The following SPATA17 variants were observed in gnomAD, a reference collection of about 807,000 sequenced individuals.
SPATA17 encodes spermatogenesis associated 17, also known as spermatogenesis-associated protein 17.
SPATA17 carries 53 observed loss-of-function variants against 62.2 expected under a neutral mutation model. The observed-to-expected ratio is 0.85, with a 90% CI of 0.68 to 1.07. SPATA17 has a LOEUF of 1.07. Ranked by LOEUF, SPATA17 falls within the 50% of genes least tolerant of loss-of-function variation. The pLI, the probability that SPATA17 is intolerant of heterozygous loss-of-function variation, is 0.00. For missense variants in SPATA17, 466 were observed against 425.5 expected, an observed-to-expected ratio of 1.10 and a Z score of -0.84; for synonymous variants, 146 against 146.8, an observed-to-expected ratio of 0.99 and a Z score of 0.04.
intron 8 of SPATA17, among the ~76,000 whole-genome samples, chr1:217,799,697 T>C (rs1248478708): frequency 1.3e-5 from 2 of 151,970 alleles, no homozygotes; most frequent in African/African-American, 2.4e-5. Flanking sequence ...GGTATTAAAA[T>C]TGATGAAAGA....
intron 5 of SPATA17, among the ~76,000 whole-genome samples, chr1:217,689,939 T>C (rs1671307591): frequency 6.6e-6 from 1 of 151,986 alleles, no homozygotes. Context: ...GTTTTGCTCT[T>C]TTCGCCCAGG....
chr1:217,864,108 A>G (rs898810691), intron 10 of SPATA17, among the ~76,000 whole-genome samples: 5 of 152,238 alleles, frequency 3.3e-5, no homozygotes, highest in African/African-American at 1.2e-4. Context: ...CTAATAGGAA[A>G]TGTATATATA....
chr1:217,686,256 C>A (rs1055523421), intron 5 of SPATA17, among the ~76,000 whole-genome samples: 1 of 152,006 alleles, frequency 6.6e-6, no homozygotes, highest in Non-Finnish European at 1.5e-5. Context: ...CTCCCTGGAC[C>A]CAGAGCCTTT....
chr1:217,736,533 A>C (rs2102944650), intron 5 of SPATA17, among the ~76,000 whole-genome samples: 1 of 150,334 alleles, frequency 6.7e-6, no homozygotes, highest in African/African-American at 2.4e-5. Context: ...GAGGAAATCC[A>C]CATCAGAAAG....
intron 9 of SPATA17, among the ~76,000 whole-genome samples, chr1:217,822,933 G>T (rs934584312): frequency 1.3e-5 from 2 of 151,444 alleles, no homozygotes; most frequent in East Asian, 3.9e-4. Context: ...ATAATCCCAA[G>T]TATTTATTTA....
intron 8 of SPATA17, among the ~76,000 whole-genome samples, chr1:217,786,353 G>A (rs1247667443): frequency 6.6e-6 from 1 of 152,136 alleles, no homozygotes; most frequent in Non-Finnish European, 1.5e-5. Context: ...AAGGAACTGA[G>A]TTGGATCCTG....
intron 2 of SPATA17, among the ~76,000 whole-genome samples, chr1:217,650,316 A>C (rs1324095669): frequency 6.6e-6 from 1 of 152,198 alleles, no homozygotes; most frequent in East Asian, 1.9e-4. Flanking sequence ...TCAGCAGACT[A>C]ACATGATGTT....
chr1:217,833,488 G>C (rs767683004), intron 9 of SPATA17, among the ~76,000 whole-genome samples: 6 of 152,134 alleles, frequency 3.9e-5, no homozygotes, highest in Non-Finnish European at 5.9e-5. Context: ...TGTGTTCAAG[G>C]CTTGCCCACC....
In SPATA17 at chr1:217,782,041, C is replaced by T. The variant is rs374310546; in HGVS notation, c.724-133C>T. The T allele has an allele frequency of 5.4e-5, 44 of 813,816 alleles. No individual in the cohort carries two copies. The South Asian group carries it at 1.0e-3, about 19-fold the overall frequency. 50.4% of individuals were successfully genotyped at this position (813,816 alleles called of 1,614,324 possible). On this transcript the variant is annotated intron_variant, in intron 7 of 10. Transcript: ENST00000366933. Reference sequence around the variant, plus strand: ...TTATGTCATGCATATTCTAACTCAGCGAAGAACAAATGGTGTTTTAAAAAT... The same window carrying T: ...TTATGTCATGCATATTCTAACTCAGTGAAGAACAAATGGTGTTTTAAAAAT...
chr1:217,835,225 A>G (rs1179491816), intron 9 of SPATA17, among the ~76,000 whole-genome samples: 1 of 152,036 alleles, frequency 6.6e-6, no homozygotes. Context: ...ATGTCATTTC[A>G]TTTCCTTTGT....
At chr1:217,817,471 C>T (rs1008172246) in intron 9 of SPATA17, among the ~76,000 whole-genome samples, 1 of 152,078 alleles carries the variant, frequency 6.6e-6, no homozygotes, top group African/African-American at 2.4e-5. Context: ...TTGTAAGTTT[C>T]CTGAGGCCTC....
chr1:217,781,839 T>G (rs1673733977), intron 7 of SPATA17, among the ~76,000 whole-genome samples: 1 of 152,122 alleles, frequency 6.6e-6, no homozygotes, highest in Non-Finnish European at 1.5e-5. Context: ...AATCCTTTTT[T>G]TAATTATACT....
At chr1:217,754,162 G>A (rs1014954636) in intron 6 of SPATA17, among the ~76,000 whole-genome samples, 5 of 152,036 alleles carry the variant, frequency 3.3e-5, no homozygotes, top group Non-Finnish European at 5.9e-5. Flanking sequence ...TTAAGCCCAG[G>A]AGGTCGAGGC....
intron 5 of SPATA17, among the ~76,000 whole-genome samples, chr1:217,734,990 C>T (rs60443242): frequency 2.0e-5 from 3 of 152,110 alleles, no homozygotes; most frequent in South Asian, 2.1e-4. Context: ...GTTCTACCCC[C>T]GCTTCCCAAC....
At position 217,807,461 on chromosome 1, in the gene SPATA17, C is replaced by G. The variant is rs1674461091; in HGVS notation, c.1005+5611C>G. Among the ~76,000 whole-genome samples, 3 of 151,976 alleles carry G rather than the reference C, an allele frequency of 2.0e-5. No individual in the cohort carries two copies. In the South Asian group the frequency reaches 6.2e-4, roughly 32 times the overall value. The stretch of plus-strand genomic sequence containing the variant: ...CCCATATTACTCTCTAAGGACATTC[C>G]TAAGAGAGTTTGCTTTTCTGAAAAC... On this transcript the variant is annotated intron_variant, in intron 9 of 10. Transcript: ENST00000366933.
At chr1:217,831,398 T>C (rs776200419) in intron 9 of SPATA17, among the ~76,000 whole-genome samples, 6 of 152,128 alleles carry the variant, frequency 3.9e-5, no homozygotes, top group Non-Finnish European at 8.8e-5. Flanking sequence ...ATCTCCTCCC[T>C]GACACCTGGT....
intron 9 of SPATA17, among the ~76,000 whole-genome samples, chr1:217,813,319 A>G (rs535011095): frequency 1.2e-4 from 18 of 152,220 alleles, no homozygotes; most frequent in Non-Finnish European, 2.2e-4. Context: ...TATGATTATC[A>G]TAATTGATGT....
intron 9 of SPATA17, among the ~76,000 whole-genome samples, chr1:217,826,446 G>T (rs1675004185): frequency 6.6e-6 from 1 of 151,938 alleles, no homozygotes; most frequent in Non-Finnish European, 1.5e-5. Flanking sequence ...ATTTTTAATA[G>T]GTCTAATTAT....
In SPATA17 at chr1:217,813,361, G is replaced by C. The variant is rs577081901; in HGVS notation, c.1005+11511G>C. ...GCAGTGTGTGGGGATCATTACAGCTGAACTGTACAGCAGAGAAACATGCCT... is the reference window on the plus strand; with the variant it reads ...GCAGTGTGTGGGGATCATTACAGCTCAACTGTACAGCAGAGAAACATGCCT... On this transcript the variant is annotated intron_variant, in intron 9 of 10. Coordinates refer to ENST00000366933, the MANE Select transcript of SPATA17 (RefSeq NM_138796.4). Among the ~76,000 whole-genome samples, 9 of 152,276 alleles carry C rather than the reference G, an allele frequency of 5.9e-5. No individual in the cohort carries two copies. In the South Asian group the frequency reaches 1.9e-3, roughly 32 times the overall value.
Sources: gnomAD v4.1 joint callset for allele counts (sites outside exome capture counted in the v4.1 genomes callset) on GRCh38, gnomAD v4.1.1 for gene constraint, MANE v1.5 for transcripts, NCBI Gene and HGNC (gene_info 2026-07-23, HGNC 2026-07-21) for gene names.